LPAR6: variants seen among roughly 807,000 people sequenced by gnomAD.
The protein encoded by LPAR6 is G-protein coupled purinergic receptor P2Y5.
LPAR6 carries 17 observed loss-of-function variants against 22.0 expected under a neutral mutation model. The observed-to-expected ratio is 0.77, with a 90% CI of 0.53 to 1.16. The LOEUF (loss-of-function observed/expected upper bound fraction) is 1.16, where lower values mean the gene tolerates loss of function less well. LPAR6 is among the 50% of genes most tolerant of loss of function. LPAR6 has a pLI of 0.00. For synonymous variants in LPAR6, 136 were observed against 139.8 expected, an observed-to-expected ratio of 0.97 and a Z score of 0.19; for missense variants, 384 against 406.9, an observed-to-expected ratio of 0.94 and a Z score of 0.48.
chr13:48,411,592 A>G lies in LPAR6; in HGVS notation c.832T>C (p.Cys278Arg). Residue 278 changes from cysteine to arginine, a missense_variant, in exon 1 of 1, where the codon TGT becomes CGT. Cys to Arg is a radical substitution (Grantham distance 180, BLOSUM62 -3). Transcript: ENST00000620633. ...AAACAACAGTTGGAAACAGCAATAC[A>G]GAGAGTGATTGGGTACATTGTCCTT... is the stretch of plus-strand genomic sequence containing the variant. ...AVRTMYPITL[C>R]IAVSNCCFDP... is the part of the protein sequence containing the mutation. The G allele has an allele frequency of 6.2e-7, 1 of 1,612,982 alleles. No individual in the cohort carries two copies.
At position 48,412,711 on chromosome 13, in the gene LPAR6, TAC is replaced by T. The variant is rs1238999193; in HGVS notation, c.-290_-289del. 4.3e-6 allele frequency: 2 copies of T among 463,230 alleles called. No homozygotes were observed. The highest frequency in any genetic ancestry group is 2.2e-5 in the South Asian group (1 of 45,012). The allele number at this position is 463,230 out of a possible 1,614,324, so 28.7% of individuals were successfully genotyped here. On this transcript the variant is annotated 5_prime_UTR_variant, in exon 1 of 1. Coordinates refer to ENST00000620633, the MANE Select transcript of LPAR6 (RefSeq NM_001162498.3). ...TAACTGACGAGCAACCTTTAAAAAATACAGTCAACGAGTCCAACCCATAGGAT... is the reference window on the plus strand; with the variant it reads ...TAACTGACGAGCAACCTTTAAAAAATAGTCAACGAGTCCAACCCATAGGAT...
upstream of LPAR6, among the ~76,000 whole-genome samples, chr13:48,414,551 T>C (rs1001547519): frequency 5.9e-5 from 9 of 152,146 alleles, no homozygotes; most frequent in Non-Finnish European, 1.3e-4. Flanking sequence ...TATTATTTTT[T>C]TAATTTGGTC....
rs1447540006 is a variant in LPAR6 at position 48,426,025 on chromosome 13, A to G, written c.-1095+834T>C. ...ACATGTTTGTATAATGAAAGAATACAACTTAGTGAGTGCATGCATAAAGGA... is the reference window on the plus strand; with the variant it reads ...ACATGTTTGTATAATGAAAGAATACGACTTAGTGAGTGCATGCATAAAGGA... On this transcript the variant is annotated intron_variant, in intron 1 of 4. Coordinates refer to the LPAR6 transcript ENST00000345941. 2.0e-5 allele frequency among the ~76,000 whole-genome samples: 3 copies of G among 152,172 alleles called. No homozygotes were observed. The East Asian group carries it at 5.8e-4, about 29-fold the overall frequency.
upstream of LPAR6, among the ~76,000 whole-genome samples, chr13:48,414,871 A>ATG (rs1458133315): frequency 1.3e-5 from 2 of 152,210 alleles, no homozygotes; most frequent in Non-Finnish European, 2.9e-5. Flanking sequence ...GAAAAGATGT[A>ATG]TGTGTGTGTT....
chr13:48,410,827 C>G (rs1428571874), downstream of LPAR6, among the ~76,000 whole-genome samples: 1 of 152,118 alleles, frequency 6.6e-6, no homozygotes, highest in African/African-American at 2.4e-5. Flanking sequence ...TGTTACTGCT[C>G]AAGATCTTCC....
At chr13:48,443,298 T>G (rs116257385) in intron 1 of LPAR6, among the ~76,000 whole-genome samples, 1,520 of 151,904 alleles carry the variant, frequency 0.01, 36 homozygotes, top group African/African-American at 0.035. Flanking sequence ...ATAAAATGTT[T>G]TAAAGAAAGA....
intron 1 of LPAR6, among the ~76,000 whole-genome samples, chr13:48,425,784 C>A (rs1949070871): frequency 6.6e-6 from 1 of 152,152 alleles, no homozygotes; most frequent in Non-Finnish European, 1.5e-5. Flanking sequence ...CTATAGAATT[C>A]TTTTCAGCTC....
intron 1 of LPAR6, among the ~76,000 whole-genome samples, chr13:48,423,102 C>T (rs1034578865): frequency 6.6e-6 from 1 of 152,002 alleles, no homozygotes; most frequent in Non-Finnish European, 1.5e-5. Context: ...TTTACTCCAT[C>T]CTGAGTGACA....
intron 1 of LPAR6, among the ~76,000 whole-genome samples, chr13:48,396,172 A>G (rs1046439918): frequency 6.6e-6 from 1 of 152,216 alleles, no homozygotes. Flanking sequence ...GAACCTAAAA[A>G]GAGCCCATAT....
At chr13:48,423,164 A>G (rs1949031092) in intron 1 of LPAR6, among the ~76,000 whole-genome samples, 1 of 152,230 alleles carries the variant, frequency 6.6e-6, no homozygotes, top group Non-Finnish European at 1.5e-5. Flanking sequence ...AGAATGAAAT[A>G]TAGTGAATTT....
At chr13:48,427,096 G>A (rs1459325621), upstream of LPAR6, among the ~76,000 whole-genome samples, 1 of 152,172 alleles carries the variant, frequency 6.6e-6, no homozygotes, top group Non-Finnish European at 1.5e-5. Flanking sequence ...ATTCATGAGG[G>A]ATCCACCCCC....
chr13:48,433,687 T>TTA (rs2138285280), intron 1 of LPAR6, among the ~76,000 whole-genome samples: 1 of 151,806 alleles, frequency 6.6e-6, no homozygotes, highest in Admixed American at 6.6e-5. Context: ...AATGCATTTT[T>TTA]TTTTTTTTAC....
At chr13:48,389,944 C>G (rs192092819) in intron 1 of LPAR6, 3 of 152,174 alleles carry the variant, frequency 2.0e-5, no homozygotes, top group African/African-American at 4.8e-5. Context: ...TGCTTGAGCC[C>G]GAGTTCAAGA....
intron 1 of LPAR6, among the ~76,000 whole-genome samples, chr13:48,392,444 G>T (rs1414572506): frequency 6.6e-6 from 1 of 151,876 alleles, no homozygotes; most frequent in African/African-American, 2.4e-5. Context: ...TTTCCTGCAG[G>T]TTTTTCTTTC....
At chr13:48,400,819 A>G (rs1234184487) in intron 1 of LPAR6, among the ~76,000 whole-genome samples, 2 of 152,136 alleles carry the variant, frequency 1.3e-5, no homozygotes, top group African/African-American at 4.8e-5. Context: ...AGTACCCTTC[A>G]TTCCTTTTCC....
At chr13:48,442,212 T>A (rs575608986) in intron 1 of LPAR6, among the ~76,000 whole-genome samples, 16 of 152,212 alleles carry the variant, frequency 1.1e-4, no homozygotes, top group South Asian at 1.0e-3. Flanking sequence ...TTTTATTTTT[T>A]TTTTTTGAAA....
intron 1 of LPAR6, among the ~76,000 whole-genome samples, chr13:48,405,676 G>T (rs914788693): frequency 6.6e-6 from 1 of 152,172 alleles, no homozygotes; most frequent in Non-Finnish European, 1.5e-5. Flanking sequence ...AAGAAAGTTT[G>T]TCAATACCCA....
chr13:48,403,064 T>G (rs531393904), intron 1 of LPAR6, among the ~76,000 whole-genome samples: 1 of 152,214 alleles, frequency 6.6e-6, no homozygotes, highest in South Asian at 2.1e-4. Flanking sequence ...TTGGTAAAAT[T>G]AGTTGGAAAA....
chr13:48,408,107 A>C (rs1318419635), downstream of LPAR6, among the ~76,000 whole-genome samples: 2 of 152,088 alleles, frequency 1.3e-5, no homozygotes, highest in Non-Finnish European at 1.5e-5. Flanking sequence ...TTTCTATTTT[A>C]TATTTCTCAA....
Sources: gnomAD v4.1 joint callset for allele counts (sites outside exome capture counted in the v4.1 genomes callset) on GRCh38, gnomAD v4.1.1 for gene constraint, MANE v1.5 for transcripts, NCBI Gene and HGNC (gene_info 2026-07-23, HGNC 2026-07-21) for gene names.